DCDC1: variants seen among roughly 807,000 people sequenced by gnomAD.
DCDC1 encodes the protein doublecortin domain containing 1.
A neutral mutation model predicts 178.3 loss-of-function variants in DCDC1; 200 were observed. That is an observed-to-expected ratio of 1.12 (90% CI 1.00 to 1.26). The LOEUF (loss-of-function observed/expected upper bound fraction) is 1.26, where lower values mean the gene tolerates loss of function less well. DCDC1 is among the 50% of genes most tolerant of loss of function. The probability of loss-of-function intolerance (pLI) is 0.00; values close to 1 mark genes in which losing one functional copy is unlikely to be tolerated. For synonymous variants in DCDC1, 690 were observed against 604.8 expected (o/e 1.14, Z -2.07); for missense variants, 1,983 against 1,749.2 (o/e 1.13, Z -2.38).
intron 9 of DCDC1, among the ~76,000 whole-genome samples, chr11:31,147,963 G>A (rs967185752): frequency 9.2e-5 from 14 of 152,078 alleles, no homozygotes; most frequent in Admixed American, 8.5e-4. Flanking sequence ...AGGCTGATTG[G>A]CCTGGCTGGG....
intron 17 of DCDC1, among the ~76,000 whole-genome samples, chr11:31,078,966 T>A (rs188258026): frequency 3.9e-5 from 6 of 152,176 alleles, no homozygotes; most frequent in African/African-American, 1.2e-4. Context: ...AAATCAAATG[T>A]TTAAACTTAG....
chr11:31,031,499 T>C (rs182340), intron 20 of DCDC1, among the ~76,000 whole-genome samples: 5,193 of 152,214 alleles, frequency 0.034, 282 homozygotes, highest in African/African-American at 0.12. Flanking sequence ...ATAATGTTTA[T>C]CTTACAAGAA....
At chr11:31,100,549 C>T (rs1020624518) in intron 15 of DCDC1, among the ~76,000 whole-genome samples, 2 of 152,090 alleles carry the variant, frequency 1.3e-5, no homozygotes, top group Admixed American at 6.5e-5. Flanking sequence ...TGAGTAAAGC[C>T]TTAAGAAGCA....
intron 36 of DCDC1, among the ~76,000 whole-genome samples, chr11:30,888,094 AAGAAAAAGAAAG>A (rs1308458912): frequency 4.7e-4 from 56 of 118,938 alleles, no homozygotes; most frequent in African/African-American, 1.7e-3. Context: ...GAAAGAAAGA[AAGAAAAAGAAAG>A]AAAGAAAGAA....
intron 20 of DCDC1, among the ~76,000 whole-genome samples, chr11:30,977,950 GA>G (rs1399440214): frequency 2.6e-5 from 4 of 152,120 alleles, no homozygotes; most frequent in Non-Finnish European, 5.9e-5. Flanking sequence ...CAAACAGTAA[GA>G]AATGTAATTG....
intron 11 of DCDC1, 87 bp from the exon 12 acceptor site, chr11:31,110,448 GTCA>G (rs1318688250): frequency 3.4e-6 from 2 of 588,232 alleles, no homozygotes; most frequent in African/African-American, 3.7e-5. Context: ...AATTTAGGCA[GTCA>G]TCCTTTTTCA....
chr11:30,921,515 G>A (rs890455013), intron 24 of DCDC1, among the ~76,000 whole-genome samples: 6 of 152,136 alleles, frequency 3.9e-5, no homozygotes, highest in Non-Finnish European at 7.3e-5. Flanking sequence ...GCCATCGAAC[G>A]TGGAAGTCAG....
chr11:31,256,724 T>A (rs1435291171), intron 8 of DCDC1, among the ~76,000 whole-genome samples: 2 of 152,164 alleles, frequency 1.3e-5, no homozygotes, highest in Non-Finnish European at 2.9e-5. Flanking sequence ...GGCCTGTATA[T>A]AGAGAATAGG....
At chr11:31,197,662 G>A (rs1044460185) in intron 9 of DCDC1, among the ~76,000 whole-genome samples, 9 of 152,006 alleles carry the variant, frequency 5.9e-5, no homozygotes, top group African/African-American at 2.2e-4. Flanking sequence ...TGTTACTACT[G>A]GAGGAAAGAG....
chr11:31,341,068 T>C (rs991555515), intron 1 of DCDC1, among the ~76,000 whole-genome samples: 46 of 152,096 alleles, frequency 3.0e-4, no homozygotes, highest in African/African-American at 1.1e-3. Context: ...CTGCTGGAGT[T>C]TGGTGGACTT....
At chr11:30,894,051 G>A (rs1287222958) in intron 35 of DCDC1, among the ~76,000 whole-genome samples, 197 bp downstream of exon 35, 1 of 152,098 alleles carries the variant, frequency 6.6e-6, no homozygotes, top group East Asian at 1.9e-4. Flanking sequence ...AAACAAAACA[G>A]ACCCTCATAT....
At chr11:30,996,230 T>C (rs185027932) in intron 20 of DCDC1, among the ~76,000 whole-genome samples, 53 of 152,188 alleles carry the variant, frequency 3.5e-4, no homozygotes, top group African/African-American at 1.1e-3. Context: ...ACACATCTAT[T>C]AGAATGGCAA....
At chr11:30,895,157 T>A (rs1474533291) in intron 34 of DCDC1, among the ~76,000 whole-genome samples, 2 of 152,218 alleles carry the variant, frequency 1.3e-5, no homozygotes, top group Non-Finnish European at 2.9e-5. Flanking sequence ...AAAATAATGC[T>A]TTCTCTTGTA....
At chr11:31,203,007 G>A (rs968276302) in intron 9 of DCDC1, among the ~76,000 whole-genome samples, 3 of 152,142 alleles carry the variant, frequency 2.0e-5, no homozygotes, top group African/African-American at 7.2e-5. Context: ...CTCCCTGGGA[G>A]GCAAGCAAAA....
chr11:30,891,476 G>A (rs1025202104), intron 36 of DCDC1, among the ~76,000 whole-genome samples: 3 of 152,010 alleles, frequency 2.0e-5, no homozygotes, highest in African/African-American at 7.3e-5. Context: ...CATTGTCTCA[G>A]CTCTACCCTT....
chr11:31,270,651 TTTA>T (rs1446719618), intron 7 of DCDC1, among the ~76,000 whole-genome samples: 7 of 152,202 alleles, frequency 4.6e-5, no homozygotes, highest in Non-Finnish European at 1.5e-5. Flanking sequence ...GTGGTGAGAA[TTTA>T]TTCTCTCCTA....
At chr11:30,922,408 T>C (rs1209146947) in intron 24 of DCDC1, 95 bp downstream of exon 24, 1 of 1,362,496 alleles carries the variant, frequency 7.3e-7, no homozygotes, top group African/African-American at 1.5e-5. Flanking sequence ...GGTGAAATAT[T>C]ACTTGTTTAA....
intron 20 of DCDC1, among the ~76,000 whole-genome samples, chr11:30,954,839 T>C (rs1459610129): frequency 6.6e-6 from 1 of 152,248 alleles, no homozygotes; most frequent in East Asian, 1.9e-4. Flanking sequence ...GTATTTCTCT[T>C]CTTTGCTCTG....
intron 20 of DCDC1, among the ~76,000 whole-genome samples, chr11:30,984,894 C>G (rs1258174151): frequency 6.6e-6 from 1 of 152,172 alleles, no homozygotes; most frequent in Admixed American, 6.6e-5. Context: ...GGGAATGGCA[C>G]CTCACTAACT....
Sources: gnomAD v4.1 joint callset for allele counts (sites outside exome capture counted in the v4.1 genomes callset) on GRCh38, gnomAD v4.1.1 for gene constraint, MANE v1.5 for transcripts, NCBI Gene and HGNC (gene_info 2026-07-23, HGNC 2026-07-21) for gene names.